Variants in RAPGEF6 observed in about 807,000 individuals in gnomAD.
The protein encoded by RAPGEF6 is PDZ domain containing guanine nucleotide exchange factor (GEF) 2.
A neutral mutation model predicts 171.4 loss-of-function variants in RAPGEF6; 56 were observed. The observed-to-expected ratio is 0.33, with a 90% CI of 0.26 to 0.41. RAPGEF6 has a LOEUF of 0.41. RAPGEF6 is among the 10% of genes least tolerant of loss of function. RAPGEF6 has a pLI of 1.00. For synonymous variants in RAPGEF6, 692 were observed against 650.1 expected (o/e 1.06, Z -0.98); for missense variants, 1,674 against 1,921.4 (o/e 0.87, Z 2.41).
At chr5:131,557,498 A>T (rs534064508) in intron 5 of RAPGEF6, among the ~76,000 whole-genome samples, 1 of 152,336 alleles carries the variant, frequency 6.6e-6, no homozygotes, top group East Asian at 1.9e-4. Flanking sequence ...TCTACATACA[A>T]ATCATGTCAT....
intron 14 of RAPGEF6, among the ~76,000 whole-genome samples, chr5:131,490,670 G>GA (rs562914021): frequency 6.6e-6 from 1 of 151,982 alleles, no homozygotes. Context: ...GTCACTGTGG[G>GA]AAAAAAATGT....
intron 4 of RAPGEF6, among the ~76,000 whole-genome samples, chr5:131,589,466 T>G (rs1454259911): frequency 6.6e-6 from 1 of 152,190 alleles, no homozygotes; most frequent in Non-Finnish European, 1.5e-5. Context: ...AGAACTCCAT[T>G]TGTATAAAGG....
intron 6 of RAPGEF6, among the ~76,000 whole-genome samples, chr5:131,544,092 AG>A (rs1354838290): frequency 6.6e-6 from 1 of 152,184 alleles, no homozygotes; most frequent in Non-Finnish European, 1.5e-5. Flanking sequence ...TCATTTTCAA[AG>A]AACACAAATT....
chr5:131,502,508 G>T (rs1561516254), intron 11 of RAPGEF6, among the ~76,000 whole-genome samples: 1 of 152,226 alleles, frequency 6.6e-6, no homozygotes, highest in Non-Finnish European at 1.5e-5. Flanking sequence ...TTGACATTGT[G>T]TGCCCTCTGA....
intron 6 of RAPGEF6, chr5:131,532,815 C>T (rs576839586): frequency 1.3e-5 from 2 of 152,656 alleles, no homozygotes; most frequent in East Asian, 1.9e-4. Flanking sequence ...CAGCACTGTT[C>T]CTTATTCTAA....
intron 5 of RAPGEF6, among the ~76,000 whole-genome samples, chr5:131,561,153 C>G (rs1001735951): frequency 6.6e-6 from 1 of 152,030 alleles, no homozygotes; most frequent in Non-Finnish European, 1.5e-5. Context: ...AACTACTTAG[C>G]TCTTTTAAGA....
Position 131,472,544 on chromosome 5 carries a change from T to C in RAPGEF6, c.2239+43A>G, listed in dbSNP as rs774201479. 1.5e-5 allele frequency: 23 copies of C among 1,582,030 alleles called. No homozygotes were observed. The Admixed American group carries it at 2.7e-4, about 18-fold the overall frequency. ...CAAGGCTTAACCATCTATTTGTTCA[T>C]TTGGTACCAATACGGCAATATAAAA... On this transcript the variant is annotated intron_variant, in intron 17 of 27. Coordinates refer to ENST00000509018, the MANE Select transcript of RAPGEF6 (RefSeq NM_016340.6).
intron 7 of RAPGEF6, among the ~76,000 whole-genome samples, chr5:131,514,904 G>A (rs79119593): frequency 0.015 from 2,332 of 152,190 alleles, 76 homozygotes; most frequent in African/African-American, 0.053. Context: ...TGATAAATGA[G>A]TTAAGTCCAG....
chr5:131,463,655 C>T (rs936338281), intron 18 of RAPGEF6: 2 of 773,374 alleles, frequency 2.6e-6, no homozygotes, highest in Non-Finnish European at 3.1e-6. Context: ...ATTTTCAGAA[C>T]ACATTTTAAA....
intron 6 of RAPGEF6, among the ~76,000 whole-genome samples, chr5:131,524,692 T>C (rs1426981618): frequency 6.6e-6 from 1 of 151,846 alleles, no homozygotes; most frequent in Non-Finnish European, 1.5e-5. Flanking sequence ...CTCGGCTCAC[T>C]GCAACCTCTG....
intron 11 of RAPGEF6, among the ~76,000 whole-genome samples, chr5:131,503,963 G>A (rs1207326403): frequency 6.6e-6 from 1 of 151,994 alleles, no homozygotes; most frequent in Non-Finnish European, 1.5e-5. Flanking sequence ...TCTTAATCTA[G>A]GATTACTTAT....
At chr5:131,612,145 C>T (rs1764968460) in intron 1 of RAPGEF6, among the ~76,000 whole-genome samples, 2 of 152,002 alleles carry the variant, frequency 1.3e-5, no homozygotes, top group Non-Finnish European at 2.9e-5. Flanking sequence ...AGCAATCCTC[C>T]CACGTTGGCC....
chr5:131,634,059 G>A lies in RAPGEF6; in HGVS notation c.69+903C>T, dbSNP rs946097926. On this transcript the variant is annotated intron_variant, in intron 1 of 27. Coordinates refer to ENST00000509018, the MANE Select transcript of RAPGEF6 (RefSeq NM_016340.6). ...TCACGACCCAAAAGGTCAGCCCAAC[G>A]TTACTGAGACTCAGTATGCAAAACA... Among the ~76,000 whole-genome samples, 7 of 152,166 alleles carry A rather than the reference G, an allele frequency of 4.6e-5. 1 individual carries two copies. In the East Asian group the frequency reaches 1.3e-3, roughly 29 times the overall value.
At chr5:131,537,997 G>A (rs1179837231) in intron 6 of RAPGEF6, among the ~76,000 whole-genome samples, 2 of 152,184 alleles carry the variant, frequency 1.3e-5, no homozygotes, top group Non-Finnish European at 2.9e-5. Flanking sequence ...GGAGGCTGAG[G>A]TGAGAGGATC....
chr5:131,544,125 CTAAA>C (rs1760345540), intron 6 of RAPGEF6, among the ~76,000 whole-genome samples: 1 of 152,120 alleles, frequency 6.6e-6, no homozygotes, highest in Non-Finnish European at 1.5e-5. Flanking sequence ...AACAGCCACA[CTAAA>C]TAACAATTTT....
intron 22 of RAPGEF6, among the ~76,000 whole-genome samples, chr5:131,445,493 C>CTG (rs11269268): frequency 0.041 from 6,112 of 147,306 alleles, 255 homozygotes; most frequent in African/African-American, 0.11. Flanking sequence ...AACTCACTCT[C>CTG]TGTGTGTGTG....
chr5:131,554,235 T>C (rs1217969164), intron 5 of RAPGEF6, among the ~76,000 whole-genome samples: 1 of 152,174 alleles, frequency 6.6e-6, no homozygotes, highest in African/African-American at 2.4e-5. Context: ...AAAAATAAAG[T>C]TATTTTCAGA....
chr5:131,554,675 C>T (rs1761122172), intron 5 of RAPGEF6, among the ~76,000 whole-genome samples: 1 of 152,142 alleles, frequency 6.6e-6, no homozygotes, highest in Admixed American at 6.5e-5. Context: ...GCCTACCACA[C>T]CTGGCTAATT....
chr5:131,537,322 G>A (rs1370567324), intron 6 of RAPGEF6, among the ~76,000 whole-genome samples: 1 of 152,096 alleles, frequency 6.6e-6, no homozygotes, highest in Non-Finnish European at 1.5e-5. Context: ...CAACCAGAGG[G>A]GCATGCCCTG....
Sources: gnomAD v4.1 joint callset for allele counts (sites outside exome capture counted in the v4.1 genomes callset) on GRCh38, gnomAD v4.1.1 for gene constraint, MANE v1.5 for transcripts, NCBI Gene and HGNC (gene_info 2026-07-23, HGNC 2026-07-21) for gene names.